Variants in THSD4 observed in about 807,000 individuals in gnomAD.
The protein encoded by THSD4 is thrombospondin type 1 domain containing 4, also known as thrombospondin type-1 domain-containing protein 4.
Under a neutral mutation model 119.0 loss-of-function variants are expected in THSD4, and 69 were observed. The ratio of observed to expected loss-of-function variants is 0.58; its 90% CI spans 0.48 to 0.71. THSD4 has a LOEUF of 0.71. Ranked by LOEUF, THSD4 falls within the 30% of genes least tolerant of loss-of-function variation. The probability of loss-of-function intolerance (pLI) is 0.00; values close to 1 mark genes in which losing one functional copy is unlikely to be tolerated. For synonymous variants in THSD4, 524 were observed against 540.4 expected (o/e 0.97, Z 0.42); for missense variants, 1,393 against 1,391.1 (o/e 1.00, Z -0.02).
intron 7 of THSD4, among the ~76,000 whole-genome samples, chr15:71,491,624 C>T (rs375756458): frequency 9.2e-5 from 14 of 152,142 alleles, no homozygotes; most frequent in African/African-American, 3.4e-4. Context: ...GTAATCCCAA[C>T]ACTTTAGGGG....
intron 7 of THSD4, among the ~76,000 whole-genome samples, chr15:71,553,948 A>T (rs978627376): frequency 2.8e-4 from 42 of 152,066 alleles, no homozygotes; most frequent in African/African-American, 9.9e-4. Flanking sequence ...CTTCTTTTTA[A>T]ATAAGTGTTA....
intron 6 of THSD4, among the ~76,000 whole-genome samples, chr15:71,378,065 T>G (rs980026775): frequency 1.3e-5 from 2 of 152,230 alleles, no homozygotes; most frequent in Non-Finnish European, 2.9e-5. Context: ...TTGTTCAGGT[T>G]GTGCACTGCA....
At chr15:71,291,074 T>C (rs2063826) in intron 6 of THSD4, among the ~76,000 whole-genome samples, 51,241 of 151,770 alleles carry the variant, frequency 0.34, 8,780 homozygotes, top group Admixed American at 0.44. Flanking sequence ...CTTCTTGACT[T>C]CTTGTAAGGT....
At chr15:71,481,442 G>A (rs1358050487) in intron 7 of THSD4, among the ~76,000 whole-genome samples, 1 of 152,212 alleles carries the variant, frequency 6.6e-6, no homozygotes, top group African/African-American at 2.4e-5. Context: ...GTAGATTGAT[G>A]CTTTCACTGA....
At chr15:71,559,919 T>C (rs922672200) in intron 7 of THSD4, among the ~76,000 whole-genome samples, 5 of 152,178 alleles carry the variant, frequency 3.3e-5, no homozygotes, top group African/African-American at 1.2e-4. Context: ...AACTATTGAA[T>C]ACCTTAAGAG....
At chr15:71,368,054 A>T (rs1314856613) in intron 6 of THSD4, among the ~76,000 whole-genome samples, 1 of 151,932 alleles carries the variant, frequency 6.6e-6, no homozygotes, top group Non-Finnish European at 1.5e-5. Flanking sequence ...GCATTTTTTC[A>T]TGTGTCTTTT....
At chr15:71,564,938 A>C (rs1298082012) in intron 7 of THSD4, among the ~76,000 whole-genome samples, 8 of 152,108 alleles carry the variant, frequency 5.3e-5, no homozygotes, top group African/African-American at 1.9e-4. Flanking sequence ...TTAAATAGTC[A>C]TACTAAATGG....
intron 6 of THSD4, among the ~76,000 whole-genome samples, chr15:71,309,150 A>T (rs564703707): frequency 2.0e-5 from 3 of 152,168 alleles, no homozygotes; most frequent in Admixed American, 6.6e-5. Flanking sequence ...AGGGTTCACC[A>T]TGTTGGCTAG....
intron 8 of THSD4, among the ~76,000 whole-genome samples, chr15:71,683,329 A>G (rs2051836571): frequency 6.6e-6 from 1 of 152,074 alleles, no homozygotes; most frequent in South Asian, 2.1e-4. Context: ...GGGTGTTTGC[A>G]CGCAATTATG....
chr15:71,292,014 T>C lies in THSD4; in HGVS notation c.1015+35299T>C, dbSNP rs145101358. On this transcript the variant is annotated intron_variant, in intron 6 of 17. Transcript: ENST00000261862. ...TTCTCAAGAAAGGGTGCGAGGGAAG[T>C]ATTGTTTTAGCTTCTGCATATCTAA... is the stretch of plus-strand genomic sequence containing the variant. Among the ~76,000 whole-genome samples the C allele has an allele frequency of 2.4e-4, 36 of 152,320 alleles. No individual in the cohort carries two copies. The East Asian group carries it at 6.4e-3, about 27-fold the overall frequency.
At chr15:71,308,373 G>A (rs1298101935) in intron 6 of THSD4, among the ~76,000 whole-genome samples, 2 of 152,306 alleles carry the variant, frequency 1.3e-5, no homozygotes, top group East Asian at 3.9e-4. Flanking sequence ...TCAAATAACA[G>A]GTTCTTCACA....
At chr15:71,267,611 A>G (rs2044478142) in intron 6 of THSD4, among the ~76,000 whole-genome samples, 2 of 152,226 alleles carry the variant, frequency 1.3e-5, no homozygotes, top group African/African-American at 4.8e-5. Flanking sequence ...CACACATAAC[A>G]ATATTAATCT....
intron 14 of THSD4, among the ~76,000 whole-genome samples, chr15:71,751,540 C>T (rs1174852636): frequency 6.6e-6 from 1 of 152,056 alleles, no homozygotes; most frequent in Non-Finnish European, 1.5e-5. Context: ...CACCTCTTTT[C>T]ACTTAATTAT....
intron 3 of THSD4, chr15:71,165,106 G>C (rs1298039105): frequency 1.9e-6 from 3 of 1,611,456 alleles, no homozygotes; most frequent in South Asian, 2.2e-5. Context: ...CAGAGCAGAA[G>C]AGGAAGAAGG....
chr15:71,409,232 T>C (rs2046650755), intron 6 of THSD4, among the ~76,000 whole-genome samples: 1 of 151,554 alleles, frequency 6.6e-6, no homozygotes, highest in South Asian at 2.1e-4. Flanking sequence ...AAAGATAGTA[T>C]CTCAAAAGAT....
chr15:71,437,886 G>A (rs1337439206), intron 7 of THSD4, among the ~76,000 whole-genome samples: 1 of 152,202 alleles, frequency 6.6e-6, no homozygotes, highest in Non-Finnish European at 1.5e-5. Flanking sequence ...CTGATAAGGG[G>A]AAAGTGGTAT....
chr15:71,193,317 C>T lies in THSD4; in HGVS notation c.100-21718C>T, dbSNP rs150127602. On this transcript the variant is annotated intron_variant, in intron 3 of 17. Coordinates refer to ENST00000261862, the MANE Select transcript of THSD4 (RefSeq NM_024817.3). ...GGTGGTGGTAGAGACGTGGGCCATA[C>T]GGAACTAGGAGCATAATTTTCACAA... 1.7e-3 allele frequency among the ~76,000 whole-genome samples: 266 copies of T among 152,248 alleles called. 1 individual carries two copies. The highest frequency in any genetic ancestry group is 0.014 in the Admixed American group (208 of 15,288).
At chr15:71,288,924 A>G (rs1225499912) in intron 6 of THSD4, among the ~76,000 whole-genome samples, 2 of 152,180 alleles carry the variant, frequency 1.3e-5, no homozygotes, top group Admixed American at 1.3e-4. Context: ...CACTCAATGG[A>G]CAAATCCCCA....
intron 17 of THSD4, among the ~76,000 whole-genome samples, chr15:71,772,576 T>C (rs1567146043): frequency 6.6e-6 from 1 of 152,224 alleles, no homozygotes; most frequent in Non-Finnish European, 1.5e-5. Context: ...GTGCCATATA[T>C]TGGAACATAT....
Sources: gnomAD v4.1 joint callset for allele counts (sites outside exome capture counted in the v4.1 genomes callset) on GRCh38, gnomAD v4.1.1 for gene constraint, MANE v1.5 for transcripts, NCBI Gene and HGNC (gene_info 2026-07-23, HGNC 2026-07-21) for gene names.